The following ARHGEF10L variants were observed in gnomAD, a reference collection of about 807,000 sequenced individuals.
ARHGEF10L encodes Rho guanine nucleotide exchange factor 10 like.
A neutral mutation model predicts 141.2 loss-of-function variants in ARHGEF10L; 69 were observed. The ratio of observed to expected loss-of-function variants is 0.49; its 90% CI spans 0.40 to 0.60. The LOEUF (loss-of-function observed/expected upper bound fraction) is 0.60, where lower values mean the gene tolerates loss of function less well. Ranked by LOEUF, ARHGEF10L falls within the 20% of genes least tolerant of loss-of-function variation. The pLI is 0.00. For missense variants in ARHGEF10L, 1,482 were observed against 1,734.3 expected (o/e 0.85, Z 2.58); for synonymous variants, 711 against 718.5 (o/e 0.99, Z 0.17).
chr1:17,595,799 A>T (rs2080038714), intron 4 of ARHGEF10L, among the ~76,000 whole-genome samples: 1 of 152,138 alleles, frequency 6.6e-6, no homozygotes, highest in Admixed American at 6.5e-5. Context: ...GAGGATTTAC[A>T]TGCCTTCTTT....
chr1:17,655,462 TCCATCCATCCATCCATCTATCC>T (rs2062176580), intron 23 of ARHGEF10L, among the ~76,000 whole-genome samples: 1 of 148,468 alleles, frequency 6.7e-6, no homozygotes, highest in Non-Finnish European at 1.5e-5. Flanking sequence ...CATCCATCCA[TCCATCCATCCATCCATCTATCC>T]ATCCATCCAT....
chr1:17,614,411 G>A (rs183163939), intron 8 of ARHGEF10L, among the ~76,000 whole-genome samples: 3 of 152,332 alleles, frequency 2.0e-5, no homozygotes, highest in Admixed American at 2.0e-4. Context: ...TTCGGCAGGT[G>A]TACTCGGGGA....
intron 28 of ARHGEF10L, 107 bp from the exon 29 acceptor site, chr1:17,696,741 A>G: frequency 9.0e-7 from 1 of 1,115,700 alleles, no homozygotes; most frequent in Non-Finnish European, 1.2e-6. Flanking sequence ...GACAGAAGTG[A>G]CCCCCCCAAA....
chr1:17,516,619 G>T, the ARHGEF10L span, among the ~76,000 whole-genome samples: 1 of 152,164 alleles, frequency 6.6e-6, no homozygotes, highest in East Asian at 1.9e-4. Context: ...CCCAGGTGGA[G>T]CTCTGGGAAT....
In ARHGEF10L at chr1:17,627,966, C is replaced by T. The variant is rs1326916336; in HGVS notation, c.1584+463C>T. ...GCTGGCAAAGTGGCTTCGTGATTGT[C>T]CTTAACACAAGAAGAAAGATGAAAA... On this transcript the variant is annotated intron_variant, in intron 15 of 28. Transcript: ENST00000361221. This position sits in a 1 kb window ranked among gnomAD's most constrained non-coding sequence, Gnocchi z 4.0. 6.6e-6 allele frequency among the ~76,000 whole-genome samples: 1 copy of T among 151,934 alleles called. No homozygotes were observed. The highest frequency in any genetic ancestry group is 1.5e-5 in the Non-Finnish European group (1 of 68,018).
At chr1:17,541,022 G>A (rs890692333) in intron 1 of ARHGEF10L, among the ~76,000 whole-genome samples, 2 of 152,208 alleles carry the variant, frequency 1.3e-5, no homozygotes, top group African/African-American at 4.8e-5. Context: ...GTGACTGTGG[G>A]CTGGGGACTG....
rs1371415509 is a variant in ARHGEF10L, at chr1:17,587,485, A to G, written c.63A>G (p.Pro21=). The G allele has an allele frequency of 6.2e-7, 1 of 1,613,836 alleles. No homozygotes were observed. Among genetic ancestry groups the G allele is most frequent in the Non-Finnish European group, 8.5e-7 (1 of 1,179,864 alleles). The change falls in exon 3 of 29, where the codon CCA becomes CCG. Residue 21 remains proline (P), a synonymous_variant. Coordinates refer to ENST00000361221, the MANE Select transcript of ARHGEF10L (RefSeq NM_018125.4). ...GAGATCAGCTGGTTCCAGGAGTCCC[A>G]GGCCCCTCCTCTGAGGCAGAGGACG... The part of the protein sequence containing the change: ...AIGDQLVPGV[P]GPSSEAEDDP...
intron 1 of ARHGEF10L, among the ~76,000 whole-genome samples, chr1:17,549,204 G>A (rs1252137503): frequency 6.6e-6 from 1 of 150,910 alleles, no homozygotes; most frequent in Non-Finnish European, 1.5e-5. Flanking sequence ...TGTATTTTTA[G>A]TAGAGATGGG....
chr1:17,570,536 CG>C (rs560422259), intron 1 of ARHGEF10L, among the ~76,000 whole-genome samples: 2 of 146,786 alleles, frequency 1.4e-5, no homozygotes, highest in African/African-American at 5.1e-5. Context: ...GACATGAAGT[CG>C]GGGGGGTTGT....
At position 17,629,290 on chromosome 1, in the gene ARHGEF10L, G is replaced by C. The variant is rs1036982275; in HGVS notation, c.1584+1787G>C. 3.3e-5 allele frequency among the ~76,000 whole-genome samples: 5 copies of C among 151,912 alleles called. 1 individual carries two copies. The highest frequency in any genetic ancestry group is 1.5e-5 in the Non-Finnish European group (1 of 67,974). On this transcript the variant is annotated intron_variant, in intron 15 of 28. Coordinates refer to ENST00000361221, the MANE Select transcript of ARHGEF10L (RefSeq NM_018125.4). ...GATCCTCCTGCCTCAGCCTCCCAAA[G>C]TGTTGGGATCACAGGCATGAGCCAC...
chr1:17,552,575 T>G (rs972886286), intron 1 of ARHGEF10L, among the ~76,000 whole-genome samples: 3 of 89,710 alleles, frequency 3.3e-5, no homozygotes, highest in Admixed American at 1.0e-4. Flanking sequence ...ATTTTCGTTT[T>G]TTTTTTTTTT....
chr1:17,596,446 G>T (rs1482769181), intron 4 of ARHGEF10L, among the ~76,000 whole-genome samples: 1 of 152,190 alleles, frequency 6.6e-6, no homozygotes, highest in Admixed American at 6.5e-5. Context: ...GGTTTTCCTT[G>T]AGGCCTTATA....
intron 26 of ARHGEF10L, among the ~76,000 whole-genome samples, chr1:17,669,312 G>C (rs2063175083): frequency 6.6e-6 from 1 of 152,200 alleles, no homozygotes; most frequent in Non-Finnish European, 1.5e-5. Flanking sequence ...CCTCTAAGGG[G>C]CTTTTTCTGA....
At chr1:17,648,418 A>G in intron 21 of ARHGEF10L, 136 bp from the exon 22 acceptor site, 1 of 1,093,168 alleles carries the variant, frequency 9.1e-7, no homozygotes, top group Admixed American at 2.6e-5. Flanking sequence ...GTCCGGCAGG[A>G]GTAGGGTGGG....
chr1:17,697,349 T>C lies in ARHGEF10L; in HGVS notation c.3809T>C (p.Leu1270Pro). Residue 1270 changes from leucine (L) to proline (P), a missense_variant, in exon 29 of 29, where the codon CTC becomes CCC. Leu to Pro is a moderately conservative substitution (Grantham distance 98). This residue lies in a region of ARHGEF10L where 858 missense variants were observed against 966.3 expected (regional missense o/e 0.89). Coordinates refer to ENST00000361221, the MANE Select transcript of ARHGEF10L (RefSeq NM_018125.4). The surrounding 1 kb of genome is among the most constrained non-coding windows in gnomAD (Gnocchi z 4.8). ...QAPCGETDST[L>P]LIWQVPLML ...CCGTGTGGGGAGACGGACAGCACCC[T>C]CCTCATCTGGCAGGTGCCCTTGATG... 6.2e-7 allele frequency: 1 copy of C among 1,603,614 alleles called. No homozygotes were observed. Among genetic ancestry groups the C allele is most frequent in the Non-Finnish European group, 8.5e-7 (1 of 1,173,394 alleles).
At chr1:17,524,364 T>TACACACACACACAC in the ARHGEF10L span, among the ~76,000 whole-genome samples, 228 of 116,060 alleles carry the variant, frequency 2.0e-3, 4 homozygotes, top group Admixed American at 3.2e-3. Context: ...ACCCCGTCTC[T>TACACACACACACAC]ACACACACAC....
chr1:17,656,826 C>A lies in ARHGEF10L; in HGVS notation c.2860+118C>A. On this transcript the variant is annotated intron_variant, in intron 25 of 28. Transcript: ENST00000361221. The surrounding 1 kb of genome is among the most constrained non-coding windows in gnomAD (Gnocchi z 4.9). ...AGGAATGAATTGGGAAATCTCAGTG[C>A]TGAGGGCATTTGGAGATCCGTGAGC... The A allele has an allele frequency of 7.7e-7, 1 of 1,306,128 alleles. No individual in the cohort carries two copies. Among genetic ancestry groups the A allele is most frequent in the Non-Finnish European group, 1.0e-6 (1 of 966,364 alleles). 80.9% of individuals were successfully genotyped at this position (1,306,128 alleles called of 1,614,324 possible).
intron 21 of ARHGEF10L, among the ~76,000 whole-genome samples, chr1:17,648,101 C>T (rs1417074387): frequency 6.6e-6 from 1 of 152,210 alleles, no homozygotes; most frequent in Non-Finnish European, 1.5e-5. Context: ...GTCCTCTGAT[C>T]GTTCATGGTC....
chr1:17,664,418 C>G (rs2062840648), intron 25 of ARHGEF10L, 29 bp from the exon 26 acceptor site: 2 of 1,595,312 alleles, frequency 1.3e-6, no homozygotes, highest in Non-Finnish European at 1.7e-6. Flanking sequence ...GCTCCTGGCC[C>G]CTGACCTGCC....
Sources: allele counts gnomAD v4.1 joint callset (sites outside exome capture counted in the v4.1 genomes callset), GRCh38; gene constraint gnomAD v4.1.1; regional missense constraint gnomAD v4.1.1; non-coding constraint Gnocchi (gnomAD v3.1); transcripts MANE v1.5; gene names NCBI Gene and HGNC (gene_info 2026-07-23, HGNC 2026-07-21).